Variants in USH2A observed in about 807,000 individuals in gnomAD.
USH2A encodes Usher syndrome 2A (autosomal recessive, mild).
In USH2A, 443 loss-of-function variants were observed where a neutral mutation model predicts 538.9. That is an observed-to-expected ratio of 0.82 (90% confidence interval 0.76 to 0.89). USH2A has a LOEUF of 0.89. USH2A is among the 40% of genes least tolerant of loss of function. The pLI is 0.00. For synonymous variants in USH2A, 2,413 were observed against 2,273.5 expected, an observed-to-expected ratio of 1.06 and a Z score of -1.75; for missense variants, 6,633 against 6,324.8, an observed-to-expected ratio of 1.05 and a Z score of -1.65.
chr1:216,188,132 G>A (rs953726910), intron 20 of USH2A, among the ~76,000 whole-genome samples: 4 of 151,710 alleles, frequency 2.6e-5, no homozygotes, highest in African/African-American at 4.8e-5. Context: ...CGTTTTAATC[G>A]CCTCACCAGT....
intron 3 of USH2A, among the ~76,000 whole-genome samples, chr1:216,414,214 C>T (rs1451377006): frequency 6.6e-6 from 1 of 151,906 alleles, no homozygotes; most frequent in African/African-American, 2.4e-5. Flanking sequence ...TAAAAAATGA[C>T]ACAATGAATT....
At chr1:215,657,120 G>A (rs186017844) in intron 64 of USH2A, among the ~76,000 whole-genome samples, 1 of 152,324 alleles carries the variant, frequency 6.6e-6, no homozygotes, top group Admixed American at 6.5e-5. Flanking sequence ...CACTGCTGCT[G>A]ATTTATGACT....
At chr1:216,247,482 ATGT>A (rs1160843385) in intron 12 of USH2A, among the ~76,000 whole-genome samples, 14 of 152,186 alleles carry the variant, frequency 9.2e-5, no homozygotes, top group East Asian at 3.8e-4. Flanking sequence ...CTTAATGCAA[ATGT>A]TGTTTCTGTT....
chr1:216,146,112 T>G (rs912515353), intron 21 of USH2A, among the ~76,000 whole-genome samples: 23 of 152,218 alleles, frequency 1.5e-4, no homozygotes, highest in Non-Finnish European at 3.1e-4. Context: ...CCTGTCCTCC[T>G]GCTCTTTGCT....
chr1:216,207,453 AT>A (rs1396671215), intron 15 of USH2A, 22 bp from the exon 16 acceptor site: 1 of 1,613,756 alleles, frequency 6.2e-7, no homozygotes, highest in Non-Finnish European at 8.5e-7. Flanking sequence ...TGAAGAGAGC[AT>A]TTATTAGCAA....
chr1:215,976,348 TTGAG>T (rs1667619805), intron 35 of USH2A, among the ~76,000 whole-genome samples: 1 of 152,204 alleles, frequency 6.6e-6, no homozygotes, highest in Non-Finnish European at 1.5e-5. Flanking sequence ...CAGAACTATG[TTGAG>T]TAAGAGTGGT....
At chr1:215,652,726 G>T (rs185793606) in intron 64 of USH2A, among the ~76,000 whole-genome samples, 48 of 151,780 alleles carry the variant, frequency 3.2e-4, no homozygotes, top group Admixed American at 2.2e-3. Context: ...GGGAAGTGGT[G>T]GGGGGGACAC....
At chr1:215,996,697 G>C (rs1449529619) in intron 34 of USH2A, among the ~76,000 whole-genome samples, 4 of 144,052 alleles carry the variant, frequency 2.8e-5, no homozygotes, top group Non-Finnish European at 6.0e-5. Context: ...TTTATGAAAT[G>C]ATGTCCTTGG....
chr1:215,801,748 C>CT (rs764339159), intron 49 of USH2A, among the ~76,000 whole-genome samples: 2 of 152,046 alleles, frequency 1.3e-5, no homozygotes, highest in Non-Finnish European at 2.9e-5. Flanking sequence ...AATCCCAATG[C>CT]TTTTTGCAGA....
chr1:216,187,029 AC>A (rs2034619439), intron 20 of USH2A, among the ~76,000 whole-genome samples: 1 of 151,972 alleles, frequency 6.6e-6, no homozygotes. Flanking sequence ...TGCTTTCATT[AC>A]ATCAGTACTT....
intron 16 of USH2A, among the ~76,000 whole-genome samples, chr1:216,200,946 G>GCTTCCC (rs1202124240): frequency 2.0e-4 from 29 of 143,942 alleles, no homozygotes; most frequent in Admixed American, 9.8e-4. Flanking sequence ...ATATTTATGT[G>GCTTCCC]CTTCCCCTTC....
rs569590723 is a variant in USH2A at position 216,145,121 on chromosome 1, G to A, written c.4627+30131C>T. On this transcript the variant is annotated intron_variant, in intron 21 of 71. Transcript: ENST00000307340. ...CTTCCCTCACCCTACTTTCTCACCCGCCCCCACAACAATACACCTCTCTCT... is the reference window on the plus strand; with the variant it reads ...CTTCCCTCACCCTACTTTCTCACCCACCCCCACAACAATACACCTCTCTCT... Among the ~76,000 whole-genome samples, 19 of 151,664 alleles carry A rather than the reference G, an allele frequency of 1.3e-4. No homozygotes were observed. In the East Asian group the frequency reaches 3.1e-3, roughly 25 times the overall value.
chr1:216,230,307 A>G (rs2035651164), intron 14 of USH2A, among the ~76,000 whole-genome samples: 1 of 152,138 alleles, frequency 6.6e-6, no homozygotes, highest in Admixed American at 6.6e-5. Context: ...TTTTACTATC[A>G]AAATCCTGAC....
At chr1:215,988,437 T>C (rs778354428) in intron 35 of USH2A, among the ~76,000 whole-genome samples, 46 of 152,216 alleles carry the variant, frequency 3.0e-4, no homozygotes, top group Non-Finnish European at 6.6e-4. Flanking sequence ...TATCTGTCCA[T>C]AGACACTTAG....
chr1:216,059,077 G>A (rs2031083672), intron 30 of USH2A, among the ~76,000 whole-genome samples: 1 of 152,072 alleles, frequency 6.6e-6, no homozygotes, highest in African/African-American at 2.4e-5. Context: ...TCATTTCTCT[G>A]CAGACTTCTC....
chr1:215,879,059 G>A lies in USH2A; in HGVS notation c.8263C>T (p.Leu2755Phe). 6.2e-7 allele frequency: 1 copy of A among 1,613,978 alleles called. No homozygotes were observed. Among genetic ancestry groups the A allele is most frequent in the Non-Finnish European group, 8.5e-7 (1 of 1,179,932 alleles). ...TCAGGCATGTGAATCTCATAGCTAA[G>A]TATGTCTCCGTTCTGGATGAGTGGG... The part of the protein sequence containing the change: ...KPPLIQNGDI[L>F]SYEIHMPDPH... Residue 2755 changes from leucine to phenylalanine, a missense_variant, in exon 42 of 72, where the codon CTT becomes TTT. Transcript: ENST00000307340.
At chr1:216,298,561 G>A (rs1192871758) in intron 9 of USH2A, among the ~76,000 whole-genome samples, 2 of 152,108 alleles carry the variant, frequency 1.3e-5, no homozygotes, top group African/African-American at 2.4e-5. Flanking sequence ...CAAACTACTT[G>A]TTATTGAAAA....
intron 47 of USH2A, among the ~76,000 whole-genome samples, chr1:215,835,505 C>A (rs1324206095): frequency 6.6e-6 from 1 of 152,060 alleles, no homozygotes; most frequent in Non-Finnish European, 1.5e-5. Context: ...CCTAGTAGCC[C>A]TCAGTTTCTC....
intron 9 of USH2A, among the ~76,000 whole-genome samples, chr1:216,318,401 C>T (rs374548963): frequency 1.4e-4 from 22 of 152,238 alleles, no homozygotes; most frequent in African/African-American, 2.9e-4. Context: ...TACCGTAAGA[C>T]GACTTTTCTC....
Sources: gnomAD v4.1 joint callset for allele counts (sites outside exome capture counted in the v4.1 genomes callset) on GRCh38, gnomAD v4.1.1 for gene constraint, MANE v1.5 for transcripts, NCBI Gene and HGNC (gene_info 2026-07-23, HGNC 2026-07-21) for gene names.